The following PARP8 variants were observed in gnomAD, a reference collection of about 807,000 sequenced individuals.
PARP8 encodes the protein protein mono-ADP-ribosyltransferase PARP8.
A neutral mutation model predicts 124.1 loss-of-function variants in PARP8; 51 were observed. The observed-to-expected ratio is 0.41, with a 90% CI of 0.33 to 0.52. The LOEUF (loss-of-function observed/expected upper bound fraction) is 0.52. PARP8 is among the 20% of genes least tolerant of loss of function. The pLI is 0.21. For missense variants in PARP8, 860 were observed against 1,018.9 expected, an observed-to-expected ratio of 0.84 and a Z score of 2.12; for synonymous variants, 391 against 361.5, an observed-to-expected ratio of 1.08 and a Z score of -0.93.
chr5:50,828,482 C>T, intron 21 of PARP8, 98 bp downstream of exon 21: 1 of 1,046,404 alleles, frequency 9.6e-7, no homozygotes, highest in South Asian at 1.4e-5. Flanking sequence ...AAAGAGGAAG[C>T]ATGTGAGTAA....
At chr5:50,791,306 A>G (rs1741927943) in intron 10 of PARP8, among the ~76,000 whole-genome samples, 5 of 152,178 alleles carry the variant, frequency 3.3e-5, no homozygotes, top group Admixed American at 3.3e-4. Context: ...CAACAACTCT[A>G]TGAAACAGGC....
At chr5:50,716,083 G>T (rs1755285730) in intron 2 of PARP8, among the ~76,000 whole-genome samples, 1 of 152,090 alleles carries the variant, frequency 6.6e-6, no homozygotes, top group Non-Finnish European at 1.5e-5. Flanking sequence ...AACTTGCTGT[G>T]ATTCAAATGA....
At position 50,763,156 on chromosome 5, in the gene PARP8, T is replaced by C. The variant is rs185929571; in HGVS notation, c.432T>C (p.Tyr144=). 4.3e-6 allele frequency: 7 copies of C among 1,612,592 alleles called. No individual in the cohort carries two copies. The highest frequency in any genetic ancestry group is 5.9e-6 in the Non-Finnish European group (7 of 1,178,652). ...EEFYYGGQVN[Y]DGELHKHPQL... is the part of the protein sequence containing the mutation. ...TTATCCCTTTTCATCAGGTGAACTA[T>C]GATGGGGAACTGCACAAGCACCCAC... Residue 144 remains tyrosine, a synonymous_variant, in exon 7 of 26, where the codon TAT becomes TAC. Coordinates refer to ENST00000281631, the MANE Select transcript of PARP8 (RefSeq NM_024615.4).
At position 50,822,416 on chromosome 5, in the gene PARP8, G is replaced by A. The variant is rs41270305; in HGVS notation, c.1860+16G>A. Reference sequence around the variant, plus strand: ...AATGACACAAGTAAGTATGTCATCTGGTCTTGTACAGTATATTTTTAAAAT... The same window carrying A: ...AATGACACAAGTAAGTATGTCATCTAGTCTTGTACAGTATATTTTTAAAAT... On this transcript the variant is annotated intron_variant, in intron 17 of 25. Transcript: ENST00000281631. 98,506 of 1,567,652 alleles carry A rather than the reference G, an allele frequency of 0.063. 3,396 individuals carry two copies. Among genetic ancestry groups the A allele is most frequent in the Middle Eastern group, 0.081 (480 of 5,958 alleles).
chr5:50,773,849 T>G lies in PARP8; in HGVS notation c.519-4220T>G, dbSNP rs546113194. 5.3e-3 allele frequency among the ~76,000 whole-genome samples: 805 copies of G among 151,618 alleles called. 7 individuals are homozygous for G. Among genetic ancestry groups the G allele is most frequent in the African/African-American group, 0.018 (752 of 41,312 alleles). ...TTTCATTAATTTTTTTTTTTTTTTT[T>G]TAGTATTTATTGATCATTCTTGGGT... On this transcript the variant is annotated intron_variant, in intron 7 of 25. Coordinates refer to ENST00000281631, the MANE Select transcript of PARP8 (RefSeq NM_024615.4).
intron 14 of PARP8, among the ~76,000 whole-genome samples, chr5:50,807,999 T>C (rs1272890049): frequency 1.3e-5 from 2 of 151,998 alleles, no homozygotes; most frequent in South Asian, 4.1e-4. Context: ...CTGAGAAACC[T>C]GAGAATCTAT....
At chr5:50,788,296 T>C (rs972377150) in intron 9 of PARP8, among the ~76,000 whole-genome samples, 1 of 148,348 alleles carries the variant, frequency 6.7e-6, no homozygotes, top group African/African-American at 2.5e-5. Flanking sequence ...ATATAATGTA[T>C]AATGTATACA....
intron 25 of PARP8, among the ~76,000 whole-genome samples, chr5:50,838,457 G>A (rs1446438157): frequency 1.3e-5 from 2 of 151,932 alleles, no homozygotes; most frequent in African/African-American, 2.4e-5. Context: ...TATTACACTA[G>A]TGATATACCT....
At chr5:50,729,962 C>G (rs1432594625) in intron 2 of PARP8, among the ~76,000 whole-genome samples, 2 of 152,144 alleles carry the variant, frequency 1.3e-5, no homozygotes, top group Non-Finnish European at 2.9e-5. Flanking sequence ...GAGCTATATG[C>G]ATTTGAGAAT....
chr5:50,724,394 A>G (rs1429176797), intron 2 of PARP8, among the ~76,000 whole-genome samples: 4 of 152,120 alleles, frequency 2.6e-5, no homozygotes, highest in Non-Finnish European at 4.4e-5. Context: ...TAAGTGACAC[A>G]GTGTATGTGC....
chr5:50,735,793 A>T (rs1264699746), intron 2 of PARP8, among the ~76,000 whole-genome samples: 8 of 152,116 alleles, frequency 5.3e-5, no homozygotes, highest in Middle Eastern at 3.4e-3. Flanking sequence ...ACAACTAAGA[A>T]AAGTTTTAAG....
chr5:50,811,415 G>A (rs58225490), intron 14 of PARP8, among the ~76,000 whole-genome samples: 9,624 of 152,010 alleles, frequency 0.063, 350 homozygotes, highest in South Asian at 0.18. Flanking sequence ...AATCATTTGC[G>A]ACAAAGTCAG....
chr5:50,793,295 AAC>A (rs1742168008), intron 10 of PARP8, among the ~76,000 whole-genome samples: 2 of 152,338 alleles, frequency 1.3e-5, no homozygotes, highest in Non-Finnish European at 2.9e-5. Context: ...AAGAAAAAGA[AAC>A]ACATTTAATT....
intron 2 of PARP8, among the ~76,000 whole-genome samples, chr5:50,743,604 G>A (rs1319894909): frequency 6.6e-6 from 1 of 152,034 alleles, no homozygotes; most frequent in African/African-American, 2.4e-5. Flanking sequence ...GTGGTCTCAG[G>A]TTTCAACTGC....
intron 14 of PARP8, among the ~76,000 whole-genome samples, chr5:50,800,917 C>T (rs1212196774): frequency 1.3e-5 from 2 of 151,540 alleles, no homozygotes; most frequent in African/African-American, 4.9e-5. Context: ...CCACCATGCC[C>T]AGCTAATTTT....
intron 14 of PARP8, among the ~76,000 whole-genome samples, chr5:50,806,918 A>G (rs1418359315): frequency 6.6e-6 from 1 of 152,112 alleles, no homozygotes; most frequent in Non-Finnish European, 1.5e-5. Context: ...CTGACACATT[A>G]CAGTCTGTAG....
chr5:50,724,810 G>A (rs1314929495), intron 2 of PARP8, among the ~76,000 whole-genome samples: 1 of 151,734 alleles, frequency 6.6e-6, no homozygotes, highest in Non-Finnish European at 1.5e-5. Context: ...CCTAGGTAGT[G>A]TACATTGTAC....
chr5:50,792,024 A>G (rs183703264), intron 10 of PARP8, among the ~76,000 whole-genome samples: 35 of 152,314 alleles, frequency 2.3e-4, no homozygotes, highest in African/African-American at 8.4e-4. Context: ...GTGTGATGTC[A>G]TCCCTATGTA....
At chr5:50,733,612 A>G (rs1757199549) in intron 2 of PARP8, among the ~76,000 whole-genome samples, 1 of 152,180 alleles carries the variant, frequency 6.6e-6, no homozygotes, top group African/African-American at 2.4e-5. Context: ...AGGGACAGAA[A>G]TCGTGGTTGA....
Sources: gnomAD v4.1 joint callset for allele counts (sites outside exome capture counted in the v4.1 genomes callset) on GRCh38, gnomAD v4.1.1 for gene constraint, MANE v1.5 for transcripts, NCBI Gene and HGNC (gene_info 2026-07-23, HGNC 2026-07-21) for gene names.